CCHCR1: variants seen among roughly 807,000 people sequenced by gnomAD.
CCHCR1 encodes the protein coiled-coil alpha-helical rod protein 1, also known as HCR (a-helix coiled-coil rod homologue).
Under a neutral mutation model 114.6 loss-of-function variants are expected in CCHCR1, and 91 were observed. The ratio of observed to expected loss-of-function variants is 0.79; its 90% CI spans 0.67 to 0.94. The LOEUF is 0.94. Ranked by LOEUF, CCHCR1 falls within the 40% of genes least tolerant of loss-of-function variation. The pLI, the probability that CCHCR1 is intolerant of heterozygous loss-of-function variation, is 0.00. For synonymous variants in CCHCR1, 379 were observed against 428.5 expected (o/e 0.88, Z 1.43); for missense variants, 899 against 1,079.9 (o/e 0.83, Z 2.35).
At chr6:31,157,835 T>TA, upstream of CCHCR1, 1 of 571,418 alleles carries the variant, frequency 1.8e-6, no homozygotes, top group Non-Finnish European at 3.1e-6. Context: ...ATCTATTTTT[T>TA]ACCCGAATCT....
At chr6:31,158,140 A>AACCG (rs1276946859), upstream of CCHCR1, 1 of 48,360 alleles carries the variant, frequency 2.1e-5, no homozygotes, top group Non-Finnish European at 4.2e-5. Flanking sequence ...TCCCGCCCCC[A>AACCG]ACCGACTCTT....
intron 8 of CCHCR1, 148 bp downstream of exon 8, chr6:31,149,918 G>A (rs113932411): frequency 0.087 from 66,682 of 764,702 alleles, 3,422 homozygotes; most frequent in Admixed American, 0.14. Flanking sequence ...CTCTGTTCTA[G>A]AATGCAAGCT....
rs1457069100 is a variant in CCHCR1, at chr6:31,151,541, C to T, written c.802-419G>A. 6.6e-6 allele frequency among the ~76,000 whole-genome samples: 1 copy of T among 152,186 alleles called. No individual in the cohort carries two copies. The highest frequency in any genetic ancestry group is 6.5e-5 in the Admixed American group (1 of 15,284). Reference sequence around the variant, plus strand: ...GAGGCTCTCCCACTGCTCCCCGCTCCGGCCACGGGGAGTCTGCTGAGAACC... The same window carrying T: ...GAGGCTCTCCCACTGCTCCCCGCTCTGGCCACGGGGAGTCTGCTGAGAACC... On this transcript the variant is annotated intron_variant, in intron 4 of 17. Coordinates refer to ENST00000396268, the MANE Select transcript of CCHCR1 (RefSeq NM_001105564.2). The surrounding 1 kb of genome is among the most constrained non-coding windows in gnomAD (Gnocchi z 4.1).
rs765334394 is a variant in CCHCR1 at position 31,143,308 on chromosome 6, AGTCGCTGCCCCTCCTCCT to A, written c.2255_2272del (p.Lys752_Leu758delinsMet). On this transcript the variant is annotated inframe_deletion, in exon 16 of 18. Coordinates refer to ENST00000396268, the MANE Select transcript of CCHCR1 (RefSeq NM_001105564.2). This position sits in a 1 kb window ranked among gnomAD's most constrained non-coding sequence, Gnocchi z 5.3. ...CTCTAGCTCCTGCAAGCGCCGGGCC[AGTCGCTGCCCCTCCTCCT>A]TCCGGGCCTCCTCCTGCAGACGCCT... is the stretch of plus-strand genomic sequence containing the variant. 2.4e-5 allele frequency: 39 copies of A among 1,612,766 alleles called. No homozygotes were observed. Among genetic ancestry groups the A allele is most frequent in the Non-Finnish European group, 3.1e-5 (36 of 1,180,030 alleles).
At chr6:31,146,847 G>A (rs1221510997) in intron 10 of CCHCR1, among the ~76,000 whole-genome samples, 1 of 152,130 alleles carries the variant, frequency 6.6e-6, no homozygotes, top group Non-Finnish European at 1.5e-5. Flanking sequence ...TGTTCTCCTG[G>A]AGGTAGGGGG....
chr6:31,157,281 G>T, intron 1 of CCHCR1, 104 bp downstream of exon 1: 1 of 1,053,352 alleles, frequency 9.5e-7, no homozygotes, highest in Non-Finnish European at 1.4e-6. Context: ...GTTCCTCATG[G>T]AACCCAAGCA....
chr6:31,144,116 C>T lies in CCHCR1; in HGVS notation c.2167+571G>A, dbSNP rs1188467834. 6.6e-6 allele frequency among the ~76,000 whole-genome samples: 1 copy of T among 152,126 alleles called. No individual in the cohort carries two copies. On this transcript the variant is annotated intron_variant, in intron 15 of 17. Transcript: ENST00000396268. The surrounding 1 kb of genome is among the most constrained non-coding windows in gnomAD (Gnocchi z 4.6). Reference sequence around the variant, plus strand: ...AACTTAAAGTGATTCAAAAGATGTACAAATATGTGTGTATATAGATAAGAG... The same window carrying T: ...AACTTAAAGTGATTCAAAAGATGTATAAATATGTGTGTATATAGATAAGAG...
intron 3 of CCHCR1, chr6:31,156,216 A>G (rs1775982511): frequency 6.5e-6 from 1 of 153,880 alleles, no homozygotes. Context: ...CTTCTTCATC[A>G]TGCTGCTTCT....
In CCHCR1 at chr6:31,144,279, G is replaced by A. The variant is rs1413203317; in HGVS notation, c.2167+408C>T. On this transcript the variant is annotated intron_variant, in intron 15 of 17. Coordinates refer to ENST00000396268, the MANE Select transcript of CCHCR1 (RefSeq NM_001105564.2). The surrounding 1 kb of genome is among the most constrained non-coding windows in gnomAD (Gnocchi z 4.6). ...CACAATCTTGGCTCACTGCAGCCTC[G>A]ACCTCCCGGGTTCATGTAGTCTTCC... Among the ~76,000 whole-genome samples, 2 of 151,888 alleles carry A rather than the reference G, an allele frequency of 1.3e-5. No individual in the cohort carries two copies. Among genetic ancestry groups the A allele is most frequent in the Non-Finnish European group, 2.9e-5 (2 of 67,984 alleles).
Position 31,150,018 on chromosome 6 carries a change from G to A in CCHCR1, c.1362+48C>T. Reference sequence around the variant, plus strand: ...TGAATGGATGCCACCTTCATGGAAGGAGCAAGGTGCTGGGAGGGAATACCG... The same window carrying A: ...TGAATGGATGCCACCTTCATGGAAGAAGCAAGGTGCTGGGAGGGAATACCG... On this transcript the variant is annotated intron_variant, in intron 8 of 17. Coordinates refer to ENST00000396268, the MANE Select transcript of CCHCR1 (RefSeq NM_001105564.2). This position sits in a 1 kb window ranked among gnomAD's most constrained non-coding sequence, Gnocchi z 5.3. 2 of 1,601,274 alleles carry A rather than the reference G, an allele frequency of 1.2e-6. No individual in the cohort carries two copies. The highest frequency in any genetic ancestry group is 1.7e-6 in the Non-Finnish European group (2 of 1,169,432).
chr6:31,148,356 A>C (rs17197031), intron 10 of CCHCR1, 49 bp downstream of exon 10: 97,072 of 1,191,114 alleles, frequency 0.081, 4,827 homozygotes, highest in Admixed American at 0.15. Flanking sequence ...GTGCCCAGGA[A>C]CCTGAGGTGG....
rs769226643 is a variant in CCHCR1, at chr6:31,157,505, G to C, written c.96C>G (p.Pro32=). 5 of 1,612,988 alleles carry C rather than the reference G, an allele frequency of 3.1e-6. No homozygotes were observed. The highest frequency in any genetic ancestry group is 1.1e-5 in the South Asian group (1 of 91,078). ...VMACWCLDGL[P]SGLAEPWREL... ...CTCTCCATGGCTCAGCAAGGCCTGA[G>C]GGAAGCCCATCCAGACACCAGCAGG... Residue 32 remains proline (P), a synonymous_variant, in exon 1 of 18, where the codon CCC becomes CCG. Coordinates refer to ENST00000396268, the MANE Select transcript of CCHCR1 (RefSeq NM_001105564.2).
chr6:31,153,418 CTTTT>C (rs977483953), intron 4 of CCHCR1, among the ~76,000 whole-genome samples: 2 of 149,572 alleles, frequency 1.3e-5, no homozygotes, highest in Non-Finnish European at 3.0e-5. Context: ...ATAAATATAG[CTTTT>C]TTTTTTCTTT....
In CCHCR1 at chr6:31,151,000, G is replaced by A. The variant is rs950527458; in HGVS notation, c.924C>T (p.Ala308=). 8.7e-6 allele frequency: 14 copies of A among 1,612,818 alleles called. No homozygotes were observed. Among genetic ancestry groups the A allele is most frequent in the African/African-American group, 2.7e-5 (2 of 74,900 alleles). The stretch of plus-strand genomic sequence containing the variant: ...GCAGCTCGGCCTCCCTCTGAGCCTC[G>A]GCCAGCTCCTTGGCTTCCCCTGCTC... ...TRRAGEAKEL[A]EAQREAELLR... The change falls in exon 5 of 18, where the codon GCC becomes GCT. Residue 308 remains alanine (A), a synonymous_variant. Transcript: ENST00000396268. The surrounding 1 kb of genome is among the most constrained non-coding windows in gnomAD (Gnocchi z 5.3).
chr6:31,150,764 T>C lies in CCHCR1; in HGVS notation c.1062A>G (p.Thr354=). 1 of 1,613,062 alleles carries C rather than the reference T, an allele frequency of 6.2e-7. No homozygotes were observed. Among genetic ancestry groups the C allele is most frequent in the Non-Finnish European group, 8.5e-7 (1 of 1,180,018 alleles). ...GAAGCTTCTGTCGCTCCAGTTCCCATGTCTGGCTGTGGACCTCAGAAGGCA... is the reference window on the plus strand; with the variant it reads ...GAAGCTTCTGTCGCTCCAGTTCCCACGTCTGGCTGTGGACCTCAGAAGGCA... ...EQVPSEVHSQ[T]WELERQKLLE... The change falls in exon 6 of 18, where the codon ACA becomes ACG. Residue 354 remains threonine (T), a synonymous_variant. Transcript: ENST00000396268. The surrounding 1 kb of genome is among the most constrained non-coding windows in gnomAD (Gnocchi z 5.3).
rs372158582 is a variant in CCHCR1 at position 31,157,413 on chromosome 6, CT to C, written c.187del (p.Ser63AlafsTer7). 596 of 1,613,064 alleles carry C rather than the reference CT, an allele frequency of 3.7e-4. No homozygotes were observed. The highest frequency in any genetic ancestry group is 2.3e-3 in the Middle Eastern group (14 of 6,062). The part of the protein sequence containing the change: ...VPPFSPLARS[S>X]RDHRNLRRRG... ...CCTCCTTAAGTTTCTATGGTCCCTG[CT>C]GCTCCTGGCCAGAGGTGAGAAAGGA... On this transcript the variant is annotated frameshift_variant, in exon 1 of 18. Coordinates refer to ENST00000396268, the MANE Select transcript of CCHCR1 (RefSeq NM_001105564.2). LOFTEE classifies it high-confidence loss of function.
intron 3 of CCHCR1, among the ~76,000 whole-genome samples, chr6:31,155,174 C>T (rs554606357): frequency 6.6e-6 from 1 of 152,176 alleles, no homozygotes; most frequent in South Asian, 2.1e-4. Flanking sequence ...TTAGGCCACA[C>T]ATTTTAAGTG....
rs754193233 is a variant in CCHCR1, at chr6:31,151,045, CAG to C, written c.877_878del (p.Leu293GlufsTer2). The C allele has an allele frequency of 1.2e-6, 2 of 1,613,126 alleles. No homozygotes were observed. The highest frequency in any genetic ancestry group is 1.7e-6 in the Non-Finnish European group (2 of 1,180,038). ...CTGCTCTTCTGGTTTCCAGACTACT[CAG>C]AGACTTCTCCAAGCCCTCAGCCTTG... is the stretch of plus-strand genomic sequence containing the variant. ...TSKAEGLEKS[L>X]SSLETRRAGE... On this transcript the variant is annotated frameshift_variant, in exon 5 of 18. Coordinates refer to ENST00000396268, the MANE Select transcript of CCHCR1 (RefSeq NM_001105564.2). LOFTEE classifies it high-confidence loss of function. This position sits in a 1 kb window ranked among gnomAD's most constrained non-coding sequence, Gnocchi z 4.1.
chr6:31,153,078 A>T (rs936273670), intron 4 of CCHCR1, among the ~76,000 whole-genome samples: 1 of 152,116 alleles, frequency 6.6e-6, no homozygotes, highest in Non-Finnish European at 1.5e-5. Context: ...CCCAGGTTCA[A>T]GCAATTCTCC....
Sources: allele counts gnomAD v4.1 joint callset (sites outside exome capture counted in the v4.1 genomes callset), GRCh38; gene constraint gnomAD v4.1.1; non-coding constraint Gnocchi (gnomAD v3.1); transcripts MANE v1.5; gene names NCBI Gene and HGNC (gene_info 2026-07-23, HGNC 2026-07-21).